Variants in ZNF560 observed in about 807,000 individuals in gnomAD.
The protein encoded by ZNF560 is zinc finger protein 560.
Under a neutral mutation model 81.8 loss-of-function variants are expected in ZNF560, and 54 were observed. The ratio of observed to expected loss-of-function variants is 0.66; its 90% confidence interval spans 0.53 to 0.83. ZNF560 has a LOEUF of 0.83. ZNF560 is among the 40% of genes least tolerant of loss of function. The pLI, the probability that ZNF560 is intolerant of heterozygous loss-of-function variation, is 0.00. For synonymous variants in ZNF560, 321 were observed against 317.9 expected (o/e 1.01, Z -0.10); for missense variants, 940 against 932.4 (o/e 1.01, Z -0.11).
chr19:9,492,001 G>A (rs554887233), intron 2 of ZNF560, among the ~76,000 whole-genome samples: 5,226 of 9,920 alleles, frequency 0.53, 325 homozygotes, highest in African/African-American at 0.53. Flanking sequence ...TTTGGGGGGG[G>A]GACAGGTCTC....
chr19:9,489,609 T>G (rs1321598632), intron 2 of ZNF560, among the ~76,000 whole-genome samples: 1 of 152,122 alleles, frequency 6.6e-6, no homozygotes, highest in Non-Finnish European at 1.5e-5. Flanking sequence ...TCATGTATTT[T>G]TTTTTTTTTG....
At chr19:9,489,409 G>A (rs1187362723) in intron 2 of ZNF560, among the ~76,000 whole-genome samples, 1 of 152,044 alleles carries the variant, frequency 6.6e-6, no homozygotes, top group Non-Finnish European at 1.5e-5. Context: ...ACGGTGTGGT[G>A]GCTGAGCAGA....
Position 9,475,293 on chromosome 19 carries a change from A to G in ZNF560, c.21T>C (p.Asn7=). Residue 7 remains asparagine (N), a synonymous_variant, in exon 3 of 10, where the codon AAT becomes AAC. Coordinates refer to ENST00000301480, the MANE Select transcript of ZNF560 (RefSeq NM_152476.3). ...TACATTTTCTGCATACCTGATAACA[A>G]TTTGTCAGGCAGTAAGCCATCTTCC... MAYCLT[N]CYQYSVTFED... is the part of the protein sequence containing the mutation. 6.2e-7 allele frequency: 1 copy of G among 1,613,820 alleles called. No homozygotes were observed. Among genetic ancestry groups the G allele is most frequent in the Non-Finnish European group, 8.5e-7 (1 of 1,179,956 alleles).
chr19:9,503,999 T>C, the ZNF560 span, among the ~76,000 whole-genome samples: 1 of 152,214 alleles, frequency 6.6e-6, no homozygotes, highest in South Asian at 2.1e-4. Flanking sequence ...GCCTTGTAAT[T>C]TGTTCTTGAT....
At chr19:9,464,349 G>A (rs532243982), downstream of ZNF560, among the ~76,000 whole-genome samples, 6 of 152,298 alleles carry the variant, frequency 3.9e-5, no homozygotes, top group East Asian at 9.7e-4. Context: ...TTGCCAAACA[G>A]TGGCATCAAA....
intron 2 of ZNF560, among the ~76,000 whole-genome samples, chr19:9,488,789 T>A (rs2073424535): frequency 6.6e-6 from 1 of 152,232 alleles, no homozygotes; most frequent in Non-Finnish European, 1.5e-5. Context: ...AAATCTCATG[T>A]GGAACTGTAG....
At chr19:9,496,897 C>T (rs533232151) in intron 2 of ZNF560, among the ~76,000 whole-genome samples, 1 of 151,998 alleles carries the variant, frequency 6.6e-6, no homozygotes, top group East Asian at 2.0e-4. Flanking sequence ...GATCACACCA[C>T]TGCACTCCAC....
chr19:9,458,386 T>C, the ZNF560 span, among the ~76,000 whole-genome samples: 5 of 152,320 alleles, frequency 3.3e-5, no homozygotes, highest in South Asian at 1.0e-3. Context: ...AGCCTCTTAT[T>C]CTGGATTGAA....
In ZNF560 at chr19:9,467,298, C is replaced by T. The variant is rs1031381193; in HGVS notation, c.1649G>A (p.Gly550Asp). The change falls in exon 10 of 10, where the codon GGT becomes GAT. Residue 550 changes from glycine to aspartate, a missense_variant. Gly to Asp is a moderately conservative substitution (Grantham distance 94). Coordinates refer to ENST00000301480, the MANE Select transcript of ZNF560 (RefSeq NM_152476.3). ...EERLYQCKKCGKAFTKCSYLT... is the reference protein window; with the variant it reads ...EERLYQCKKCDKAFTKCSYLT... The stretch of plus-strand genomic sequence containing the variant: ...ATATGAGCACTTAGTGAAAGCTTTA[C>T]CACATTTCTTACATTGATAGAGTCT... 1 of 1,614,108 alleles carries T rather than the reference C, an allele frequency of 6.2e-7. No individual in the cohort carries two copies. The highest frequency in any genetic ancestry group is 8.5e-7 in the Non-Finnish European group (1 of 1,179,960).
the ZNF560 span, among the ~76,000 whole-genome samples, chr19:9,460,939 A>C: frequency 1.3e-5 from 2 of 152,170 alleles, no homozygotes; most frequent in African/African-American, 2.4e-5. Flanking sequence ...TGGCCACACT[A>C]TGTTCAGCTG....
chr19:9,468,973 C>T, intron 9 of ZNF560, 132 bp downstream of exon 9: 1 of 662,930 alleles, frequency 1.5e-6, no homozygotes, highest in Non-Finnish European at 2.6e-6. Flanking sequence ...CATGATCCGC[C>T]TGCCTCAGCC....
chr19:9,467,068 G>C lies in ZNF560; in HGVS notation c.1879C>G (p.Pro627Ala). 6.2e-7 allele frequency: 1 copy of C among 1,613,852 alleles called. No individual in the cohort carries two copies. Among genetic ancestry groups the C allele is most frequent in the Non-Finnish European group, 8.5e-7 (1 of 1,179,960 alleles). ...TTCCCACAGTCCTTATATTCATAGG[G>C]CTTATCTCCAGTGTGTCTTCGTAAA... ...KHLRRHTGDKPYEYKDCGKAF... is the reference protein window; with the variant it reads ...KHLRRHTGDKAYEYKDCGKAF... Residue 627 changes from proline (P) to alanine (A), a missense_variant, in exon 10 of 10, where the codon CCC becomes GCC. By Grantham distance (27) the Pro-to-Ala change is conservative. Coordinates refer to ENST00000301480, the MANE Select transcript of ZNF560 (RefSeq NM_152476.3).
In ZNF560 at chr19:9,470,530, G is replaced by A. The variant is rs200565306; in HGVS notation, c.322-12C>T. ...AAGGTTACCAGGTCCTAAACCATCAGACACATGCTGATTTGAGCCAAGCAA... is the reference window on the plus strand; with the variant it reads ...AAGGTTACCAGGTCCTAAACCATCAAACACATGCTGATTTGAGCCAAGCAA... On this transcript the variant is annotated splice_polypyrimidine_tract_variant and intron_variant, in intron 6 of 9. Coordinates refer to ENST00000301480, the MANE Select transcript of ZNF560 (RefSeq NM_152476.3). 3.1e-5 allele frequency: 50 copies of A among 1,614,028 alleles called. No individual in the cohort carries two copies. The highest frequency in any genetic ancestry group is 4.0e-5 in the Non-Finnish European group (47 of 1,180,038).
rs1257171088 is a variant in ZNF560, at chr19:9,475,322, C to G, written c.-9G>C. The G allele has an allele frequency of 6.2e-7, 1 of 1,613,670 alleles. No individual in the cohort carries two copies. The highest frequency in any genetic ancestry group is 2.2e-5 in the East Asian group (1 of 44,834). ...GTCAGGCAGTAAGCCATCTTCCTTT[C>G]TGCCTCTGTCTTTTCTTCATGAAGG... On this transcript the variant is annotated 5_prime_UTR_variant, in exon 3 of 10. Transcript: ENST00000301480.
At chr19:9,457,659 C>A in the ZNF560 span, among the ~76,000 whole-genome samples, 1 of 152,176 alleles carries the variant, frequency 6.6e-6, no homozygotes, top group African/African-American at 2.4e-5. Context: ...GACTACTACT[C>A]CTTACGTCTA....
chr19:9,466,980 T>C lies in ZNF560; in HGVS notation c.1967A>G (p.Tyr656Cys). 3.1e-6 allele frequency: 5 copies of C among 1,614,052 alleles called. No homozygotes were observed. Among genetic ancestry groups the C allele is most frequent in the Non-Finnish European group, 4.2e-6 (5 of 1,179,998 alleles). ...HLRTHTGYKP[Y>C]KCNACEKAYS... Reference sequence around the variant, plus strand: ...AGCTTTTTCACATGCATTACATTTATAGGGTTTATATCCAGTGTGAGTTCT... The same window carrying C: ...AGCTTTTTCACATGCATTACATTTACAGGGTTTATATCCAGTGTGAGTTCT... The change falls in exon 10 of 10, where the codon TAT becomes TGT. Residue 656 changes from tyrosine to cysteine, a missense_variant. Physicochemically the swap from Tyr to Cys is radical, Grantham distance 194. Transcript: ENST00000301480.
chr19:9,476,324 G>T (rs1223744890), intron 2 of ZNF560, among the ~76,000 whole-genome samples: 1 of 151,776 alleles, frequency 6.6e-6, no homozygotes, highest in Non-Finnish European at 1.5e-5. Flanking sequence ...ACAGAGTCTT[G>T]CTCTGTCACC....
upstream of ZNF560, among the ~76,000 whole-genome samples, chr19:9,499,965 A>T (rs1307640864): frequency 6.6e-6 from 1 of 152,170 alleles, no homozygotes; most frequent in Non-Finnish European, 1.5e-5. Context: ...AAGCTCTGCT[A>T]GTTTTCTTGT....
rs201152866 is a variant in ZNF560, at chr19:9,467,020, G to A, written c.1927C>T (p.Leu643=). The A allele has an allele frequency of 8.7e-6, 14 of 1,613,952 alleles. No individual in the cohort carries two copies. In the East Asian group the frequency reaches 3.1e-4, roughly 36 times the overall value. Residue 643 remains leucine, a synonymous_variant, in exon 10 of 10, where the codon CTA becomes TTA. Transcript: ENST00000301480. ...CGKAFVVSSS[L]VDHLRTHTGY... is the part of the protein sequence containing the mutation. ...GTGTGAGTTCTTAAATGATCAACTA[G>A]ACTGGAGGAGACAACAAAGGCTTTC...
Sources: allele counts gnomAD v4.1 joint callset (sites outside exome capture counted in the v4.1 genomes callset), GRCh38; gene constraint gnomAD v4.1.1; transcripts MANE v1.5; gene names NCBI Gene and HGNC (gene_info 2026-07-23, HGNC 2026-07-21).